The following CUX2 variants were observed in gnomAD, a reference collection of about 807,000 sequenced individuals.
CUX2 encodes the protein cut like homeobox 2.
In CUX2, 40 loss-of-function variants were observed where a neutral mutation model predicts 144.8. The observed-to-expected ratio is 0.28, with a 90% confidence interval of 0.21 to 0.36. The LOEUF is 0.36. Among genes scored for constraint, CUX2 ranks in the 10% least tolerant of loss-of-function variants. CUX2 has a pLI of 1.00. For synonymous variants in CUX2, 827 were observed against 875.6 expected (o/e 0.94, Z 0.98); for missense variants, 1,615 against 1,994.0 (o/e 0.81, Z 3.62).
intron 4 of CUX2, among the ~76,000 whole-genome samples, chr12:111,288,917 C>T (rs1592922245): frequency 6.6e-6 from 1 of 151,912 alleles, no homozygotes. Context: ...GAGCCGAGAT[C>T]GTCTCACTGC....
In CUX2 at chr12:111,307,392, C is replaced by A. The variant is rs1163032738; in HGVS notation, c.1109+135C>A. The A allele has an allele frequency of 1.9e-4, 148 of 774,944 alleles. 2 individuals are homozygous for A. The South Asian group carries it at 2.4e-3, about 13-fold the overall frequency. 48.0% of individuals were successfully genotyped at this position (774,944 alleles called of 1,614,324 possible). ...CTCCACTAACACTGTGGATATCAAA[C>A]CTTAACCATCCTCAGGCCAGGTGCA... On this transcript the variant is annotated intron_variant, in intron 12 of 21. Coordinates refer to ENST00000261726, the MANE Select transcript of CUX2 (RefSeq NM_015267.4). This position sits in a 1 kb window ranked among gnomAD's most constrained non-coding sequence, Gnocchi z 4.1.
At chr12:111,169,513 G>C (rs1421299555) in intron 1 of CUX2, among the ~76,000 whole-genome samples, 1 of 152,172 alleles carries the variant, frequency 6.6e-6, no homozygotes, top group Non-Finnish European at 1.5e-5. Context: ...TAGCCAATCG[G>C]ATCAGGGACA....
At chr12:111,100,576 T>C (rs1201346364) in intron 1 of CUX2, among the ~76,000 whole-genome samples, 1 of 152,118 alleles carries the variant, frequency 6.6e-6, no homozygotes, top group Admixed American at 6.5e-5. Flanking sequence ...GTCAGAGGGG[T>C]ATGCATGCGT....
chr12:111,338,150 C>G (rs959268374), intron 19 of CUX2, 136 bp from the exon 20 acceptor site: 1 of 914,984 alleles, frequency 1.1e-6, no homozygotes, highest in Admixed American at 2.6e-5. Context: ...TCCGCCGTCT[C>G]TGGCCCTCCC....
In CUX2 at chr12:111,320,120, T is replaced by TGCAGGCGCAACA. The variant is rs1887438990; in HGVS notation, c.2120_2131dup (p.Gln707_Ala710dup). On this transcript the variant is annotated inframe_insertion, in exon 17 of 22. Transcript: ENST00000261726. The surrounding 1 kb of genome is among the most constrained non-coding windows in gnomAD (Gnocchi z 8.1). Reference sequence around the variant, plus strand: ...ATCCTGGAGCAGGCACGCCGTGAGATGCAGGCGCAACAGCAGGCGCTGCTG... The same window carrying TGCAGGCGCAACA: ...ATCCTGGAGCAGGCACGCCGTGAGATGCAGGCGCAACAGCAGGCGCAACAGCAGGCGCTGCTG... The TGCAGGCGCAACA allele has an allele frequency of 1.9e-6, 3 of 1,557,602 alleles. No individual in the cohort carries two copies. The highest frequency in any genetic ancestry group is 2.6e-6 in the Non-Finnish European group (3 of 1,154,950).
rs191988934 is a variant in CUX2 at position 111,164,447 on chromosome 12, G to A, written c.64-49753G>A. ...AAAAATTAGCTGGGCGTGGTGGCAC[G>A]TGCTTGTAATCCCAGCTACTTGGGA... On this transcript the variant is annotated intron_variant, in intron 1 of 21. Transcript: ENST00000261726. Among the ~76,000 whole-genome samples the A allele has an allele frequency of 7.9e-5, 12 of 151,978 alleles. No individual in the cohort carries two copies. In the East Asian group the frequency reaches 1.6e-3, roughly 20 times the overall value.
chr12:111,341,217 C>G (rs1000640373), intron 20 of CUX2, among the ~76,000 whole-genome samples: 2 of 152,224 alleles, frequency 1.3e-5, no homozygotes, highest in South Asian at 2.1e-4. Flanking sequence ...TTGCTTGAGC[C>G]CAGGAGTTCA....
intron 1 of CUX2, among the ~76,000 whole-genome samples, chr12:111,053,302 A>T (rs1291827652): frequency 6.6e-6 from 1 of 152,048 alleles, no homozygotes; most frequent in African/African-American, 2.4e-5. Flanking sequence ...TTTTCCACTA[A>T]GTCCCACTAA....
chr12:111,271,534 G>A (rs1333792453), intron 4 of CUX2, among the ~76,000 whole-genome samples: 1 of 152,098 alleles, frequency 6.6e-6, no homozygotes, highest in African/African-American at 2.4e-5. Context: ...CTCCAACTCT[G>A]GACAGTTAAG....
At chr12:111,300,496 A>G (rs939129266) in intron 9 of CUX2, among the ~76,000 whole-genome samples, 2 of 152,080 alleles carry the variant, frequency 1.3e-5, no homozygotes, top group Admixed American at 1.3e-4. Context: ...TATATCTTTG[A>G]GCTCCTTCCG....
intron 1 of CUX2, among the ~76,000 whole-genome samples, chr12:111,145,518 G>A (rs1035657299): frequency 3.3e-5 from 5 of 152,088 alleles, no homozygotes; most frequent in East Asian, 3.9e-4. Context: ...ACAGGTATAC[G>A]CCACCATGCC....
intron 4 of CUX2, among the ~76,000 whole-genome samples, chr12:111,286,083 A>T (rs903318455): frequency 1.3e-5 from 2 of 151,958 alleles, no homozygotes; most frequent in African/African-American, 4.8e-5. Flanking sequence ...GGATTATTAG[A>T]CTCTGGGTCT....
At chr12:111,280,318 A>C (rs1225310703) in intron 4 of CUX2, among the ~76,000 whole-genome samples, 3 of 152,132 alleles carry the variant, frequency 2.0e-5, no homozygotes, top group African/African-American at 4.8e-5. Context: ...AATCAGGGAG[A>C]GACAGAAGGT....
Position 111,307,339 on chromosome 12 carries a change from C to A in CUX2, c.1109+82C>A. On this transcript the variant is annotated intron_variant, in intron 12 of 21. Transcript: ENST00000261726. The surrounding 1 kb of genome is among the most constrained non-coding windows in gnomAD (Gnocchi z 4.1). ...CTTGGCAAAGTTCATCATCTTCCTC[C>A]CTCCTACTAAACCCCATTTGTTCTT... 1.6e-6 allele frequency: 2 copies of A among 1,263,340 alleles called. No individual in the cohort carries two copies. Among genetic ancestry groups the A allele is most frequent in the Non-Finnish European group, 1.1e-6 (1 of 884,880 alleles). The allele number at this position is 1,263,340 out of a possible 1,614,324, so 78.3% of individuals were successfully genotyped here. A position where few individuals can be genotyped will look rare whatever the true frequency, so the allele number is the denominator to read the frequency against.
chr12:111,146,639 G>T (rs193003126), intron 1 of CUX2, among the ~76,000 whole-genome samples: 1 of 152 alleles, frequency 6.6e-3, no homozygotes, highest in African/African-American at 0.021. Flanking sequence ...GGTTAGTAAC[G>T]TGTATTTGAT....
At chr12:111,185,616 G>A (rs931233281) in intron 1 of CUX2, among the ~76,000 whole-genome samples, 2 of 152,238 alleles carry the variant, frequency 1.3e-5, no homozygotes, top group Admixed American at 1.3e-4. Flanking sequence ...CACTGGCTGA[G>A]TAGGGTGCTG....
chr12:111,149,975 G>T (rs905032073), intron 1 of CUX2, among the ~76,000 whole-genome samples: 1 of 152,206 alleles, frequency 6.6e-6, no homozygotes, highest in Admixed American at 6.5e-5. Flanking sequence ...TTTAGTTAAA[G>T]ATGTCCAGGA....
At position 111,287,816 on chromosome 12, in the gene CUX2, T is replaced by C. The variant is rs546457938; in HGVS notation, c.302-3602T>C. Among the ~76,000 whole-genome samples the C allele has an allele frequency of 6.6e-6, 1 of 152,340 alleles. No homozygotes were observed. Among genetic ancestry groups the C allele is most frequent in the South Asian group, 2.1e-4 (1 of 4,820 alleles). ...AGAGTAAAACAGGGAAGCCGCCTTGTTCCAGCCGGACCTGAAGGCCCCATG... is the reference window on the plus strand; with the variant it reads ...AGAGTAAAACAGGGAAGCCGCCTTGCTCCAGCCGGACCTGAAGGCCCCATG... On this transcript the variant is annotated intron_variant, in intron 4 of 21. Transcript: ENST00000261726. This position sits in a 1 kb window ranked among gnomAD's most constrained non-coding sequence, Gnocchi z 4.2.
chr12:111,281,056 T>C (rs569748682), intron 4 of CUX2, among the ~76,000 whole-genome samples: 1 of 152,070 alleles, frequency 6.6e-6, no homozygotes, highest in African/African-American at 2.4e-5. Context: ...TAGCCGCCTA[T>C]CTGACGCCCT....
Sources: allele counts gnomAD v4.1 joint callset (sites outside exome capture counted in the v4.1 genomes callset), GRCh38; gene constraint gnomAD v4.1.1; non-coding constraint Gnocchi (gnomAD v3.1); transcripts MANE v1.5; gene names NCBI Gene and HGNC (gene_info 2026-07-23, HGNC 2026-07-21).